Variants in CCZ1 observed in about 807,000 individuals in gnomAD.
The protein encoded by CCZ1 is vacuolar fusion protein CCZ1 homolog.
A neutral mutation model predicts 57.8 loss-of-function variants in CCZ1; 19 were observed. That is an observed-to-expected ratio of 0.33 (90% confidence interval 0.23 to 0.48). CCZ1 has a LOEUF of 0.48. CCZ1 is among the 20% of genes least tolerant of loss of function. The pLI, the probability that CCZ1 is intolerant of heterozygous loss-of-function variation, is 0.99. For missense variants in CCZ1, 200 were observed against 492.0 expected (o/e 0.41, Z 5.61); for synonymous variants, 81 against 167.0 (o/e 0.49, Z 3.97).
At chr7:5,909,900 T>G (rs117167852) in intron 7 of CCZ1, 135 bp from the exon 8 acceptor site, 3 of 673,156 alleles carry the variant, frequency 4.5e-6, no homozygotes, top group African/African-American at 1.8e-5. Flanking sequence ...CTTTAGACTT[T>G]AAAAAGTTAG....
At chr7:5,903,172 ACTG>A (rs1288580220) in intron 6 of CCZ1, among the ~76,000 whole-genome samples, 3 of 148,928 alleles carry the variant, frequency 2.0e-5, no homozygotes, top group Non-Finnish European at 3.0e-5. Flanking sequence ...GGTAAGAGTT[ACTG>A]GCCTTGACAG....
chr7:5,903,622 C>T (rs1287525776), intron 6 of CCZ1, among the ~76,000 whole-genome samples: 3 of 135,762 alleles, frequency 2.2e-5, no homozygotes, highest in Non-Finnish European at 1.5e-5. Context: ...TTCTTGTCCT[C>T]ATTTCTCTCT....
chr7:5,905,174 G>A lies in CCZ1; in HGVS notation c.603G>A (p.Met201Ile), dbSNP rs1378569631. Reference sequence around the variant, plus strand: ...TCAGCTTCTTCCCGTTGGATAAAATGACTTATTTGAAAATCCAGTCCTTTA... The same window carrying A: ...TCAGCTTCTTCCCGTTGGATAAAATAACTTATTTGAAAATCCAGTCCTTTA... ...GGISFFPLDK[M>I]TYLKIQSFIN... The change falls in exon 7 of 15, where the codon ATG becomes ATA. Residue 201 changes from methionine to isoleucine, a missense_variant. By Grantham distance (10) the Met-to-Ile change is conservative. Coordinates refer to ENST00000325974, the MANE Select transcript of CCZ1 (RefSeq NM_015622.6). The A allele has an allele frequency of 6.3e-7, 1 of 1,575,766 alleles. No individual in the cohort carries two copies. Among genetic ancestry groups the A allele is most frequent in the African/African-American group, 1.4e-5 (1 of 69,016 alleles).
intron 1 of CCZ1, among the ~76,000 whole-genome samples, chr7:5,899,506 C>T (rs1781634379): frequency 7.6e-6 from 1 of 130,832 alleles, no homozygotes; most frequent in Admixed American, 7.6e-5. Context: ...GCCTGTAATC[C>T]CAGCACTTTA....
chr7:5,906,323 C>CTTTTTTTTT (rs398066572), intron 7 of CCZ1, among the ~76,000 whole-genome samples: 6 of 128,020 alleles, frequency 4.7e-5, no homozygotes, highest in Admixed American at 8.4e-5. Flanking sequence ...TTCTTTCTTT[C>CTTTTTTTTT]TTTTTTTTTT....
chr7:5,912,073 G>C (rs1205371149), intron 9 of CCZ1, 151 bp downstream of exon 9: 1 of 1,531,642 alleles, frequency 6.5e-7, no homozygotes, highest in African/African-American at 1.4e-5. Context: ...TCATGCCTCA[G>C]CCTCCCAAGT....
chr7:5,914,276 A>C (rs1443060832), intron 10 of CCZ1, among the ~76,000 whole-genome samples: 1 of 146,660 alleles, frequency 6.8e-6, no homozygotes, highest in Admixed American at 6.7e-5. Context: ...CGACAGGAAA[A>C]TGTTTAAAAA....
intron 3 of CCZ1, 108 bp from the exon 4 acceptor site, chr7:5,900,747 A>G (rs1337778740): frequency 4.4e-5 from 69 of 1,570,026 alleles, no homozygotes; most frequent in Non-Finnish European, 4.5e-5. Context: ...GGCTGTTTTA[A>G]GAAGCTATGT....
rs373920865 is a variant in CCZ1, at chr7:5,925,704, G to A, written c.*17G>A. On this transcript the variant is annotated 3_prime_UTR_variant, in exon 15 of 15. Coordinates refer to ENST00000325974, the MANE Select transcript of CCZ1 (RefSeq NM_015622.6). ...TTGGATTGACGGATGACGGCTCACC[G>A]AGAGCATATCTAAAAAACACTCTGC... The A allele has an allele frequency of 3.8e-5, 60 of 1,572,762 alleles. No homozygotes were observed. The African/African-American group carries it at 4.9e-4, about 13-fold the overall frequency.
rs59828482 is a variant in CCZ1, at chr7:5,910,414, T to C, written c.780+298T>C. The stretch of plus-strand genomic sequence containing the variant: ...CGGAGTCTCGAACTTTCGCCTGGGA[T>C]GGAGAGGTTCAAGCAATTCTCCTTG... On this transcript the variant is annotated intron_variant, in intron 8 of 14. Coordinates refer to ENST00000325974, the MANE Select transcript of CCZ1 (RefSeq NM_015622.6). Among the ~76,000 whole-genome samples, 64 of 149,438 alleles carry C rather than the reference T, an allele frequency of 4.3e-4. 6 individuals are homozygous for C. The highest frequency in any genetic ancestry group is 1.4e-3 in the African/African-American group (57 of 40,576).
chr7:5,900,827 T>C (rs1443750728), intron 3 of CCZ1, 28 bp from the exon 4 acceptor site: 16 of 1,257,560 alleles, frequency 1.3e-5, no homozygotes, highest in Non-Finnish European at 1.8e-5. Flanking sequence ...GAATTCATTG[T>C]ATAATTTCAG....
chr7:5,902,778 A>G (rs1208785036), intron 6 of CCZ1, 34 bp downstream of exon 6: 2 of 1,584,174 alleles, frequency 1.3e-6, no homozygotes, highest in African/African-American at 1.4e-5. Context: ...TAACTTTAGT[A>G]AGCATTCAGC....
At chr7:5,902,335 C>G (rs1415806010) in intron 5 of CCZ1, 1 of 238,336 alleles carries the variant, frequency 4.2e-6, no homozygotes, top group East Asian at 1.6e-4. Flanking sequence ...TTTGGTGATT[C>G]CATTTATTAA....
chr7:5,911,263 A>G lies in CCZ1; in HGVS notation c.781-598A>G, dbSNP rs193035430. Among the ~76,000 whole-genome samples, 210 of 148,764 alleles carry G rather than the reference A, an allele frequency of 1.4e-3. 9 individuals carry two copies. Among genetic ancestry groups the G allele is most frequent in the African/African-American group, 5.1e-3 (203 of 40,036 alleles). On this transcript the variant is annotated intron_variant, in intron 8 of 14. Coordinates refer to ENST00000325974, the MANE Select transcript of CCZ1 (RefSeq NM_015622.6). Reference sequence around the variant, plus strand: ...CCAAAGTATTTTCAGAGCTTAACATACAAAAATCATTTTGGCTCAGTTGAA... The same window carrying G: ...CCAAAGTATTTTCAGAGCTTAACATGCAAAAATCATTTTGGCTCAGTTGAA...
In CCZ1 at chr7:5,925,985, G is replaced by GT. The variant is rs1250606155; in HGVS notation, c.*299dup. ...TAAAAGTTTTTAAAATTCTGGTTTG[G>GT]TGTTGAGTCTCTCTCCTGCTGCCTA... On this transcript the variant is annotated 3_prime_UTR_variant, in exon 15 of 15. Coordinates refer to ENST00000325974, the MANE Select transcript of CCZ1 (RefSeq NM_015622.6). 1.9e-6 allele frequency: 1 copy of GT among 523,796 alleles called. No homozygotes were observed. Among genetic ancestry groups the GT allele is most frequent in the African/African-American group, 1.9e-5 (1 of 51,484 alleles). The allele number at this position is 523,796 out of a possible 1,614,324, so 32.4% of individuals were successfully genotyped here. A position where few individuals can be genotyped will look rare whatever the true frequency, so the allele number is the denominator to read the frequency against.
rs949897814 is a variant in CCZ1, at chr7:5,909,719, T to A, written c.699-316T>A. 4.6e-4 allele frequency among the ~76,000 whole-genome samples: 66 copies of A among 143,300 alleles called. 2 individuals are homozygous for A. The highest frequency in any genetic ancestry group is 8.1e-4 in the African/African-American group (31 of 38,186). 94.0% of individuals were successfully genotyped at this position (143,300 alleles called of 152,430 possible). A position where few individuals can be genotyped will look rare whatever the true frequency, so the allele number is the denominator to read the frequency against. ...TCTCAAAAAAAAAAAGAAAAAAAAA[T>A]TTTTTTTAATAAAAAATGAGTTTTA... On this transcript the variant is annotated intron_variant, in intron 7 of 14. Transcript: ENST00000325974.
intron 12 of CCZ1, among the ~76,000 whole-genome samples, chr7:5,920,661 G>A (rs184354097): frequency 0.019 from 2,672 of 138,226 alleles, 50 homozygotes; most frequent in African/African-American, 0.07. Context: ...TAGTAGAGAC[G>A]GGGTTTCACC....
At chr7:5,910,830 G>C (rs1370875330) in intron 8 of CCZ1, among the ~76,000 whole-genome samples, 1 of 147,280 alleles carries the variant, frequency 6.8e-6, no homozygotes, top group Non-Finnish European at 1.5e-5. Flanking sequence ...CCGCTTCCTG[G>C]ATTCAAACAA....
At position 5,898,794 on chromosome 7, in the gene CCZ1, G is replaced by A. The variant is rs1781608214; in HGVS notation, c.-6G>A. The A allele has an allele frequency of 2.5e-6, 1 of 393,926 alleles. No homozygotes were observed. Among genetic ancestry groups the A allele is most frequent in the Non-Finnish European group, 4.3e-6 (1 of 233,082 alleles). The allele number at this position is 393,926 out of a possible 1,614,324, so 24.4% of individuals were successfully genotyped here. On this transcript the variant is annotated 5_prime_UTR_variant, in exon 1 of 15. Transcript: ENST00000325974. Reference sequence around the variant, plus strand: ...GGGAGGCTCCCGAGGTGGGGGCCGGGGCGGGATGGCTGCAGCGGCGGCCGG... The same window carrying A: ...GGGAGGCTCCCGAGGTGGGGGCCGGAGCGGGATGGCTGCAGCGGCGGCCGG...
Sources: allele counts gnomAD v4.1 joint callset (sites outside exome capture counted in the v4.1 genomes callset), GRCh38; gene constraint gnomAD v4.1.1; transcripts MANE v1.5; gene names NCBI Gene and HGNC (gene_info 2026-07-23, HGNC 2026-07-21).